UCKL1: variants seen among roughly 807,000 people sequenced by gnomAD.
The protein encoded by UCKL1 is uridine-cytidine kinase 1 like 1, also known as uridine-cytidine kinase-like 1.
Under a neutral mutation model 59.2 loss-of-function variants are expected in UCKL1, and 65 were observed. That is an observed-to-expected ratio of 1.10 (90% CI 0.90 to 1.35). The LOEUF is 1.35. Among genes scored for constraint, UCKL1 ranks in the 40% most tolerant of loss-of-function variants. UCKL1 has a pLI of 0.00. For missense variants in UCKL1, 703 were observed against 784.3 expected (o/e 0.90, Z 1.24); for synonymous variants, 410 against 323.1 (o/e 1.27, Z -2.88).
intron 1 of UCKL1, chr20:63,948,224 C>T (rs1252184663): frequency 2.0e-5 from 3 of 152,214 alleles, no homozygotes; most frequent in African/African-American, 7.2e-5. Flanking sequence ...GGCCCACTCA[C>T]ATGGGGAGCA....
rs758349637 is a variant in UCKL1, at chr20:63,941,095, C to T, written c.1022+15G>A. 8.8e-6 allele frequency: 14 copies of T among 1,599,402 alleles called. No individual in the cohort carries two copies. The South Asian group carries it at 1.4e-4, about 17-fold the overall frequency. On this transcript the variant is annotated intron_variant, in intron 9 of 14. Transcript: ENST00000354216. ...CACGCGCCCGGGGCCGCCCCGTCCC[C>T]AGGTGGGCCCTCACCTGATGATGGT...
At chr20:63,947,877 G>A (rs1436673399) in intron 1 of UCKL1, among the ~76,000 whole-genome samples, 3 of 152,238 alleles carry the variant, frequency 2.0e-5, no homozygotes, top group Non-Finnish European at 4.4e-5. Context: ...GCACTCAGGC[G>A]CCTGCCAACT....
intron 5 of UCKL1, among the ~76,000 whole-genome samples, 173 bp downstream of exon 5, chr20:63,945,478 G>A (rs904411512): frequency 6.6e-5 from 10 of 152,224 alleles, no homozygotes; most frequent in African/African-American, 1.9e-4. Flanking sequence ...TTTTGGGGCC[G>A]GCAGATGGAC....
chr20:63,956,080 C>T, intron 1 of UCKL1, 180 bp downstream of exon 1: 1 of 539,022 alleles, frequency 1.9e-6, no homozygotes, highest in South Asian at 2.9e-5. Flanking sequence ...CAGGTCCGTC[C>T]TCCCGGCCGC....
intron 8 of UCKL1, chr20:63,942,653 A>G (rs73147065): frequency 0.19 from 97,006 of 510,228 alleles, 11,310 homozygotes; most frequent in African/African-American, 0.43. Flanking sequence ...GCCCTGCCTG[A>G]CCCTCCCTCC....
chr20:63,945,758 A>G, intron 4 of UCKL1, 36 bp from the exon 5 acceptor site: 1 of 1,612,750 alleles, frequency 6.2e-7, no homozygotes, highest in Non-Finnish European at 8.5e-7. Context: ...AGCCTGGCTC[A>G]TGTGCCTGCA....
intron 1 of UCKL1, among the ~76,000 whole-genome samples, chr20:63,951,975 G>A (rs772632501): frequency 2.6e-5 from 4 of 152,186 alleles, no homozygotes; most frequent in Admixed American, 6.5e-5. Context: ...ACTGAGGCAG[G>A]GGCTGCCAGA....
rs2297807 is a variant in UCKL1, at chr20:63,944,500, T to C, written c.845-42A>G. 5,043 of 1,586,700 alleles carry C rather than the reference T, an allele frequency of 3.2e-3. 122 individuals carry two copies. In the East Asian group the frequency reaches 0.064, roughly 20 times the overall value. ...GGGCGGGTGACCGGGGGCTGGGCCG[T>C]TGGCCTGCCCGACACCCACCCAACA... On this transcript the variant is annotated intron_variant, in intron 6 of 14. Coordinates refer to ENST00000354216, the MANE Select transcript of UCKL1 (RefSeq NM_017859.4).
At position 63,942,683 on chromosome 20, in the gene UCKL1, C is replaced by T. The variant is rs1272751497; in HGVS notation, c.923+970G>A. 9.9e-6 allele frequency: 5 copies of T among 503,102 alleles called. 1 individual carries two copies. Among genetic ancestry groups the T allele is most frequent in the South Asian group, 4.4e-5 (3 of 67,792 alleles). 31.2% of individuals were successfully genotyped at this position (503,102 alleles called of 1,614,324 possible). A position where few individuals can be genotyped will look rare whatever the true frequency, so the allele number is the denominator to read the frequency against. On this transcript the variant is annotated intron_variant, in intron 8 of 14. Coordinates refer to ENST00000354216, the MANE Select transcript of UCKL1 (RefSeq NM_017859.4). Reference sequence around the variant, plus strand: ...CCCTCCTGCCCCCGACCAAGGCTTCCTGGGGCTGAAGGAAGTGAGTGCAGC... The same window carrying T: ...CCCTCCTGCCCCCGACCAAGGCTTCTTGGGGCTGAAGGAAGTGAGTGCAGC...
intron 1 of UCKL1, chr20:63,950,749 C>T (rs572561204): frequency 5.9e-6 from 9 of 1,525,622 alleles, no homozygotes; most frequent in Middle Eastern, 1.7e-4. Flanking sequence ...GACCTCCAGT[C>T]GAGACTCACC....
At chr20:63,942,898 C>T (rs958148772) in intron 8 of UCKL1, among the ~76,000 whole-genome samples, 10 of 152,176 alleles carry the variant, frequency 6.6e-5, no homozygotes, top group Non-Finnish European at 1.3e-4. Context: ...ATGCAGGCAC[C>T]GGAAGCTGGA....
intron 1 of UCKL1, among the ~76,000 whole-genome samples, chr20:63,950,494 A>G (rs2057415136): frequency 6.6e-6 from 1 of 152,234 alleles, no homozygotes; most frequent in African/African-American, 2.4e-5. Context: ...ACAGATGGAC[A>G]GGAGTGCTTC....
chr20:63,943,215 C>T (rs1393986609), intron 8 of UCKL1, among the ~76,000 whole-genome samples: 5 of 152,310 alleles, frequency 3.3e-5, no homozygotes, highest in Admixed American at 2.0e-4. Flanking sequence ...AGGACAGGCG[C>T]GAGGCCCTCC....
chr20:63,945,298 C>T (rs780479390), intron 5 of UCKL1, among the ~76,000 whole-genome samples: 7 of 152,176 alleles, frequency 4.6e-5, no homozygotes, highest in Non-Finnish European at 1.0e-4. Context: ...TCAGCTGTGT[C>T]CTGAAGGCCC....
intron 1 of UCKL1, among the ~76,000 whole-genome samples, chr20:63,952,634 G>A (rs1447341964): frequency 6.6e-6 from 1 of 152,238 alleles, no homozygotes; most frequent in Non-Finnish European, 1.5e-5. Context: ...CACAGGTGCT[G>A]ATGCCGCGCT....
intron 5 of UCKL1, 38 bp from the exon 6 acceptor site, chr20:63,944,772 A>G (rs1373942799): frequency 6.2e-7 from 1 of 1,606,216 alleles, no homozygotes; most frequent in Non-Finnish European, 8.5e-7. Flanking sequence ...GCCAGATGCC[A>G]GCAGTGGGCA....
In UCKL1 at chr20:63,940,600, C is replaced by T. The variant is rs2054115575; in HGVS notation, c.1296G>A (p.Glu432=). ...CCCGGCTGCCCCCAGGCACCTCGGG[C>T]TCCCCGGTAAGCTGGTTGGTCTGGA... ...ILIQTNQLTG[E]PELHYLRLPK... Residue 432 remains glutamate (E), a synonymous_variant, in exon 12 of 15, where the codon GAG becomes GAA. Transcript: ENST00000354216. 6.2e-7 allele frequency: 1 copy of T among 1,608,380 alleles called. No individual in the cohort carries two copies. The highest frequency in any genetic ancestry group is 2.2e-5 in the East Asian group (1 of 44,862).
Position 63,940,186 on chromosome 20 carries a change from G to A in UCKL1, c.1531C>T (p.Arg511Trp), listed in dbSNP as rs2053990724. The change falls in exon 14 of 15, where the codon CGG becomes TGG. Residue 511 changes from arginine to tryptophan, a missense_variant. Coordinates refer to ENST00000354216, the MANE Select transcript of UCKL1 (RefSeq NM_017859.4). ...ATGATGCGGAAAAGGTCATTGACCC[G>A]CTTGTCCACCGCCGTGGTGATGATT... ...VRIITTAVDK[R>W]VNDLFRIIPG... is the part of the protein sequence containing the mutation. 6.2e-7 allele frequency: 1 copy of A among 1,612,590 alleles called. No homozygotes were observed. Among genetic ancestry groups the A allele is most frequent in the Admixed American group, 1.7e-5 (1 of 59,992 alleles).
chr20:63,945,505 TG>T, intron 5 of UCKL1, 145 bp downstream of exon 5: 1 of 777,330 alleles, frequency 1.3e-6, no homozygotes, highest in Non-Finnish European at 2.0e-6. Flanking sequence ...GTGGCATGCC[TG>T]GGGTTGGGGT....
Sources: gnomAD v4.1 joint callset for allele counts (sites outside exome capture counted in the v4.1 genomes callset) on GRCh38, gnomAD v4.1.1 for gene constraint, MANE v1.5 for transcripts, NCBI Gene and HGNC (gene_info 2026-07-23, HGNC 2026-07-21) for gene names.